The following LTBP1 variants were observed in gnomAD, a reference collection of about 807,000 sequenced individuals.
The protein encoded by LTBP1 is latent-transforming growth factor beta-binding protein 1.
LTBP1 carries 129 observed loss-of-function variants against 207.6 expected under a neutral mutation model. The ratio of observed to expected loss-of-function variants is 0.62; its 90% confidence interval spans 0.54 to 0.72. The LOEUF (loss-of-function observed/expected upper bound fraction) is 0.72. Ranked by LOEUF, LTBP1 falls within the 30% of genes least tolerant of loss-of-function variation. The pLI is 0.00. For missense variants in LTBP1, 2,281 were observed against 2,217.2 expected (o/e 1.03, Z -0.58); for synonymous variants, 963 against 833.7 (o/e 1.16, Z -2.67).
At chr2:32,969,679 T>A (rs1346605341) in intron 2 of LTBP1, among the ~76,000 whole-genome samples, 1 of 152,222 alleles carries the variant, frequency 6.6e-6, no homozygotes, top group Non-Finnish European at 1.5e-5. Flanking sequence ...CTACTGTTGA[T>A]GGACATGTAG....
Position 33,347,493 on chromosome 2 carries a change from G to T in LTBP1, c.3983G>T (p.Arg1328Leu). The T allele has an allele frequency of 1.2e-6, 2 of 1,614,070 alleles. No homozygotes were observed. Among genetic ancestry groups the T allele is most frequent in the Non-Finnish European group, 8.5e-7 (1 of 1,180,012 alleles). Reference sequence around the variant, plus strand: ...TACAGCCCCATGACTGGGCAGTGCCGCTCCCGGACCTCCACAGGTAAGTCC... The same window carrying T: ...TACAGCCCCATGACTGGGCAGTGCCTCTCCCGGACCTCCACAGGTAAGTCC... ...QEYSPMTGQC[R>L]SRTSTDLDVD... is the part of the protein sequence containing the mutation. The change falls in exon 26 of 34, where the codon CGC (arginine) becomes CTC (leucine). Residue 1328 changes from arginine to leucine, a missense_variant. Arg to Leu is a moderately radical substitution (Grantham distance 102). Transcript: ENST00000404816.
intron 4 of LTBP1, among the ~76,000 whole-genome samples, chr2:33,118,726 A>G (rs185416761): frequency 5.3e-5 from 8 of 152,322 alleles, no homozygotes; most frequent in Admixed American, 4.6e-4. Flanking sequence ...GATATGATCT[A>G]TTGCAAAGAA....
intron 31 of LTBP1, among the ~76,000 whole-genome samples, chr2:33,375,228 A>G (rs1357856648): frequency 6.6e-6 from 1 of 152,184 alleles, no homozygotes; most frequent in Non-Finnish European, 1.5e-5. Flanking sequence ...GGCCTACAGT[A>G]AATGCGCCAT....
At position 33,328,162 on chromosome 2, in the gene LTBP1, T is replaced by TAAATAAATAAATAAATAAATAAATAAATA. The variant is rs61232623; in HGVS notation, c.3730+12900_3730+12901insTAAATAAATAAATAAATAAATAAAATAAA. ...ATAAATAAATAAATAAATAAATAAA[T>TAAATAAATAAATAAATAAATAAATAAATA]AAATAAAATAAAAATAAAATGCATG... On this transcript the variant is annotated intron_variant, in intron 24 of 33. Transcript: ENST00000404816. 3.2e-3 allele frequency among the ~76,000 whole-genome samples: 470 copies of TAAATAAATAAATAAATAAATAAATAAATA among 145,882 alleles called. 1 individual carries two copies. The highest frequency in any genetic ancestry group is 0.011 in the African/African-American group (418 of 36,354).
intron 29 of LTBP1, 81 bp from the exon 30 acceptor site, chr2:33,364,135 A>G: frequency 1.5e-6 from 2 of 1,372,520 alleles, no homozygotes; most frequent in Non-Finnish European, 2.0e-6. Context: ...GACTAAATAT[A>G]GCAATGTGTA....
intron 2 of LTBP1, among the ~76,000 whole-genome samples, chr2:32,958,453 G>A (rs566755884): frequency 2.2e-4 from 34 of 152,232 alleles, no homozygotes; most frequent in African/African-American, 7.9e-4. Context: ...GATTCTATTT[G>A]ATGCTCCCTA....
intron 19 of LTBP1, among the ~76,000 whole-genome samples, chr2:33,287,346 T>TCTCTAAATC (rs1423002087): frequency 6.6e-6 from 1 of 152,224 alleles, no homozygotes; most frequent in African/African-American, 2.4e-5. Flanking sequence ...TGATCTTTTA[T>TCTCTAAATC]CTCTAAATCC....
chr2:33,270,589 CAAAAAA>C (rs397961095), intron 15 of LTBP1, among the ~76,000 whole-genome samples: 2,174 of 75,334 alleles, frequency 0.029, 25 homozygotes, highest in Non-Finnish European at 0.04. Flanking sequence ...GACTCCGTCT[CAAAAAA>C]AAAAAAAAAA....
Position 33,257,401 on chromosome 2 carries a change from C to T in LTBP1, c.2285C>T (p.Thr762Ile). ...KGPVFVKPKN[T>I]QPVAKSTHPP... ...CCTGTATTTGTCAAGCCAAAGAACA[C>T]TCAACCTGTTGCTAAAAGTACTCAT... Residue 762 changes from threonine to isoleucine, a missense_variant, in exon 12 of 34, where the codon ACT (threonine) becomes ATT (isoleucine). Physicochemically the swap from Thr to Ile is moderately conservative, Grantham distance 89. Coordinates refer to ENST00000404816, the MANE Select transcript of LTBP1 (RefSeq NM_206943.4). 6.2e-7 allele frequency: 1 copy of T among 1,614,216 alleles called. No individual in the cohort carries two copies. Among genetic ancestry groups the T allele is most frequent in the Non-Finnish European group, 8.5e-7 (1 of 1,180,018 alleles).
chr2:33,320,469 C>G (rs2149328577), intron 24 of LTBP1, among the ~76,000 whole-genome samples: 1 of 151,514 alleles, frequency 6.6e-6, no homozygotes, highest in South Asian at 2.1e-4. Flanking sequence ...TGGAAAGCTG[C>G]TTTGATGCTA....
chr2:33,157,286 G>C (rs1201695837), intron 5 of LTBP1, among the ~76,000 whole-genome samples: 1 of 152,108 alleles, frequency 6.6e-6, no homozygotes, highest in Non-Finnish European at 1.5e-5. Flanking sequence ...AGCTTTGAAG[G>C]CTGTAAGCAG....
At position 33,367,962 on chromosome 2, in the gene LTBP1, C is replaced by G. The variant is rs186249060; in HGVS notation, c.4711+2459C>G. 8.3e-4 allele frequency among the ~76,000 whole-genome samples: 127 copies of G among 152,270 alleles called. 1 individual carries two copies. The highest frequency in any genetic ancestry group is 2.6e-3 in the African/African-American group (110 of 41,566). ...GTGCGCGGTGGCTCATGCCTGTAAT[C>G]ACAGCACTTTGGGAGGCCGAGGCGG... On this transcript the variant is annotated intron_variant, in intron 31 of 33. Coordinates refer to ENST00000404816, the MANE Select transcript of LTBP1 (RefSeq NM_206943.4).
intron 3 of LTBP1, among the ~76,000 whole-genome samples, chr2:33,073,815 C>T (rs1397100603): frequency 1.3e-5 from 2 of 152,084 alleles, no homozygotes. Context: ...TTAGTAGAGA[C>T]AGGGTTTCAC....
intron 11 of LTBP1, among the ~76,000 whole-genome samples, chr2:33,256,084 T>C (rs1352313278): frequency 1.3e-5 from 2 of 152,132 alleles, no homozygotes; most frequent in Non-Finnish European, 2.9e-5. Context: ...TACTTTTTTT[T>C]TTTTTTAAAG....
chr2:33,175,080 T>A (rs1383446632), intron 5 of LTBP1, among the ~76,000 whole-genome samples: 2 of 152,074 alleles, frequency 1.3e-5, no homozygotes, highest in Non-Finnish European at 2.9e-5. Context: ...GCATTACCAT[T>A]CAGGACATAG....
At chr2:33,057,303 C>T (rs1199021846) in intron 3 of LTBP1, among the ~76,000 whole-genome samples, 2 of 152,208 alleles carry the variant, frequency 1.3e-5, no homozygotes, top group Non-Finnish European at 2.9e-5. Context: ...TATTTACAAT[C>T]CCTTACTAGA....
intron 3 of LTBP1, among the ~76,000 whole-genome samples, chr2:33,025,970 C>G (rs1367643378): frequency 2.6e-5 from 4 of 152,126 alleles, no homozygotes; most frequent in Admixed American, 2.6e-4. Flanking sequence ...GGAAGAACTT[C>G]TGGGATATTC....
chr2:33,215,002 C>A (rs561317799), intron 7 of LTBP1, among the ~76,000 whole-genome samples: 1 of 151,708 alleles, frequency 6.6e-6, no homozygotes, highest in Non-Finnish European at 1.5e-5. Flanking sequence ...CTGGTACTTT[C>A]GAGAGGGCAA....
At chr2:33,334,048 G>T (rs2094526706) in intron 24 of LTBP1, among the ~76,000 whole-genome samples, 1 of 152,162 alleles carries the variant, frequency 6.6e-6, no homozygotes, top group Admixed American at 6.5e-5. Context: ...ACAACTGAGA[G>T]CTCTACTAAG....
Sources: gnomAD v4.1 joint callset for allele counts (sites outside exome capture counted in the v4.1 genomes callset) on GRCh38, gnomAD v4.1.1 for gene constraint, MANE v1.5 for transcripts, NCBI Gene and HGNC (gene_info 2026-07-23, HGNC 2026-07-21) for gene names.